Variants in IPCEF1 observed in about 807,000 individuals in gnomAD.
The protein encoded by IPCEF1 is interaction protein for cytohesin exchange factors 1.
Under a neutral mutation model 50.9 loss-of-function variants are expected in IPCEF1, and 31 were observed. That is an observed-to-expected ratio of 0.61 (90% CI 0.46 to 0.82). The LOEUF is 0.82. IPCEF1 is among the 40% of genes least tolerant of loss of function. The pLI is 0.00. For synonymous variants in IPCEF1, 181 were observed against 192.0 expected (o/e 0.94, Z 0.47); for missense variants, 458 against 514.0 (o/e 0.89, Z 1.05).
chr6:154,266,593 AAC>A (rs1781763007), intron 2 of IPCEF1, among the ~76,000 whole-genome samples: 4 of 120,030 alleles, frequency 3.3e-5, no homozygotes, highest in South Asian at 3.3e-4. Context: ...TATACACACA[AAC>A]ACACACACAC....
At chr6:154,253,420 A>G (rs545084614) in intron 3 of IPCEF1, among the ~76,000 whole-genome samples, 1 of 152,318 alleles carries the variant, frequency 6.6e-6, no homozygotes, top group African/African-American at 2.4e-5. Flanking sequence ...AATTTTCACT[A>G]TTATGTTTTT....
At chr6:154,189,549 G>C (rs1340920152) in intron 10 of IPCEF1, among the ~76,000 whole-genome samples, 3 of 152,196 alleles carry the variant, frequency 2.0e-5, no homozygotes, top group African/African-American at 7.2e-5. Context: ...GTAGTATATA[G>C]TTCAAGATAG....
At chr6:154,225,796 A>T (rs1200265370) in intron 5 of IPCEF1, among the ~76,000 whole-genome samples, 2 of 152,222 alleles carry the variant, frequency 1.3e-5, no homozygotes, top group African/African-American at 4.8e-5. Context: ...AGGCGTTTTT[A>T]TGTAAATTTC....
At chr6:154,204,699 G>T (rs1777342897) in intron 9 of IPCEF1, among the ~76,000 whole-genome samples, 1 of 152,108 alleles carries the variant, frequency 6.6e-6, no homozygotes, top group South Asian at 2.1e-4. Context: ...CATTCTAGTG[G>T]CTTCCTGCCT....
intron 1 of IPCEF1, among the ~76,000 whole-genome samples, chr6:154,332,896 T>C (rs1456718890): frequency 1.3e-5 from 2 of 152,216 alleles, no homozygotes; most frequent in Non-Finnish European, 2.9e-5. Flanking sequence ...TACAACAGCT[T>C]GATGCTCATC....
At chr6:154,352,641 G>T (rs917579862) in intron 1 of IPCEF1, among the ~76,000 whole-genome samples, 5 of 152,184 alleles carry the variant, frequency 3.3e-5, no homozygotes, top group Admixed American at 3.3e-4. Flanking sequence ...TTGATTCTAA[G>T]ACAAAGACAG....
intron 10 of IPCEF1, among the ~76,000 whole-genome samples, chr6:154,180,289 C>A (rs1800721524): frequency 6.6e-6 from 1 of 151,248 alleles, no homozygotes; most frequent in Non-Finnish European, 1.5e-5. Context: ...GGGTCAGACT[C>A]CTAAACTTTC....
chr6:154,214,929 G>C (rs1363892002), intron 7 of IPCEF1, among the ~76,000 whole-genome samples: 1 of 152,188 alleles, frequency 6.6e-6, no homozygotes, highest in Non-Finnish European at 1.5e-5. Flanking sequence ...TATCACTGCA[G>C]ACCACTGTAG....
intron 9 of IPCEF1, among the ~76,000 whole-genome samples, chr6:154,204,275 A>G (rs900859069): frequency 9.2e-5 from 14 of 152,178 alleles, no homozygotes; most frequent in African/African-American, 3.1e-4. Flanking sequence ...TGGTGAAAAA[A>G]TAGTTTAAAA....
At chr6:154,213,078 C>A in intron 8 of IPCEF1, 3 of 508,670 alleles carry the variant, frequency 5.9e-6, no homozygotes, top group Non-Finnish European at 7.0e-6. Context: ...ATCCAATATG[C>A]AGGAAGAAGA....
chr6:154,342,217 T>C (rs1783933421), intron 1 of IPCEF1, among the ~76,000 whole-genome samples: 1 of 152,188 alleles, frequency 6.6e-6, no homozygotes. Context: ...TCTGTTTGAT[T>C]CCACACCAAT....
intron 2 of IPCEF1, among the ~76,000 whole-genome samples, chr6:154,276,430 T>C (rs1782065441): frequency 6.6e-6 from 1 of 152,162 alleles, no homozygotes; most frequent in Non-Finnish European, 1.5e-5. Flanking sequence ...CTGTATATAA[T>C]CATGGTGAGG....
intron 2 of IPCEF1, among the ~76,000 whole-genome samples, chr6:154,280,030 G>C (rs1214227246): frequency 6.6e-6 from 1 of 152,192 alleles, no homozygotes; most frequent in Non-Finnish European, 1.5e-5. Context: ...CACCAAAACA[G>C]TGTAATTTTA....
chr6:154,300,805 T>C (rs1562585318), intron 1 of IPCEF1, among the ~76,000 whole-genome samples: 1 of 152,206 alleles, frequency 6.6e-6, no homozygotes, highest in African/African-American at 2.4e-5. Context: ...GCACTCTACT[T>C]CTTTAGGTAA....
intron 6 of IPCEF1, 124 bp downstream of exon 6, chr6:154,223,046 C>T (rs1778991103): frequency 3.8e-6 from 3 of 783,356 alleles, no homozygotes; most frequent in African/African-American, 3.4e-5. Context: ...ACCCATAATG[C>T]TTCAAATTCT....
chr6:154,252,873 G>A (rs1422278094), intron 3 of IPCEF1, among the ~76,000 whole-genome samples: 1 of 152,106 alleles, frequency 6.6e-6, no homozygotes, highest in Non-Finnish European at 1.5e-5. Context: ...ATAGTAACAG[G>A]AAGGCACACT....
chr6:154,340,245 TTTATTA>T (rs149057852), intron 1 of IPCEF1, among the ~76,000 whole-genome samples: 42,550 of 150,922 alleles, frequency 0.28, 6,938 homozygotes, highest in East Asian at 0.63. Flanking sequence ...TATTTTTTAA[TTTATTA>T]TTATTATTAT....
chr6:154,268,755 T>C (rs1213710015), intron 2 of IPCEF1, among the ~76,000 whole-genome samples: 1 of 66,868 alleles, frequency 1.5e-5, no homozygotes, highest in Non-Finnish European at 3.3e-5. Flanking sequence ...ACTCATTGTC[T>C]TTTTTTTTTT....
chr6:154,159,145 A>G lies in IPCEF1; in HGVS notation c.*683T>C, dbSNP rs950737088. On this transcript the variant is annotated 3_prime_UTR_variant, in exon 12 of 12. Coordinates refer to ENST00000367220, the MANE Select transcript of IPCEF1 (RefSeq NM_001130700.2). ...TGAGATGTTTTCTCTAGCTGTTGTA[A>G]GGAAAGGAAACATTAATCAGATCCC... The G allele has an allele frequency of 6.6e-6, 1 of 152,280 alleles. No individual in the cohort carries two copies. The highest frequency in any genetic ancestry group is 2.4e-5 in the African/African-American group (1 of 41,446). The allele number at this position is 152,280 out of a possible 1,614,324, so 9.4% of individuals were successfully genotyped here.
Sources: gnomAD v4.1 joint callset for allele counts (sites outside exome capture counted in the v4.1 genomes callset) on GRCh38, gnomAD v4.1.1 for gene constraint, MANE v1.5 for transcripts, NCBI Gene and HGNC (gene_info 2026-07-23, HGNC 2026-07-21) for gene names.